DCTN5: variants seen among roughly 807,000 people sequenced by gnomAD.
DCTN5 encodes dynactin 4.
A neutral mutation model predicts 23.5 loss-of-function variants in DCTN5; 14 were observed. That is an observed-to-expected ratio of 0.60 (90% CI 0.39 to 0.93). The LOEUF (loss-of-function observed/expected upper bound fraction) is 0.93. Among genes scored for constraint, DCTN5 ranks in the 40% least tolerant of loss-of-function variants. DCTN5 has a pLI of 0.00. For missense variants in DCTN5, 156 were observed against 225.9 expected, an observed-to-expected ratio of 0.69 and a Z score of 1.98; for synonymous variants, 67 against 79.6, an observed-to-expected ratio of 0.84 and a Z score of 0.84.
rs375319296 is a variant in DCTN5, at chr16:23,665,716, T to G, written c.439T>G (p.Ser147Ala). ...ETVVPPFTVF[S>A]GCPGLFSGEL... ...TGTGGTTCCACCATTCACTGTCTTC[T>G]CAGGCTGCCCAGGTAACCTTGGCTG... The change falls in exon 5 of 6, where the codon TCA becomes GCA. Residue 147 changes from serine to alanine, a missense_variant. By Grantham distance (99) the Ser-to-Ala change is moderately conservative. Transcript: ENST00000300087. 3 of 1,613,794 alleles carry G rather than the reference T, an allele frequency of 1.9e-6. No homozygotes were observed. Among genetic ancestry groups the G allele is most frequent in the South Asian group, 1.1e-5 (1 of 90,954 alleles).
At chr16:23,666,735 T>C in intron 5 of DCTN5, 1 of 472,016 alleles carries the variant, frequency 2.1e-6, no homozygotes, top group East Asian at 3.3e-5. Context: ...TCATTGAATC[T>C]GAGTTTCTAA....
chr16:23,657,275 G>A (rs1417968124), intron 2 of DCTN5, among the ~76,000 whole-genome samples: 1 of 152,186 alleles, frequency 6.6e-6, no homozygotes, highest in Non-Finnish European at 1.5e-5. Context: ...GGGCAACATA[G>A]TGAGACTCCA....
In DCTN5 at chr16:23,661,196, G is replaced by T; in HGVS notation, c.263G>T (p.Gly88Val). ...KGVAFFPLHI[G>V]DHVFIEEDCV... ...GTTGCATTCTTTCCTTTACATATTG[G>T]AGACCATGTCTTTATTGAGGAAGAT... The change falls in exon 4 of 6, where the codon GGA (glycine) becomes GTA (valine). Residue 88 changes from glycine (G) to valine (V), a missense_variant. Physicochemically the swap from Gly to Val is moderately radical, Grantham distance 109 (BLOSUM62 -3). Transcript: ENST00000300087. The T allele has an allele frequency of 6.2e-7, 1 of 1,612,206 alleles. No homozygotes were observed. The highest frequency in any genetic ancestry group is 1.3e-5 in the African/African-American group (1 of 74,916).
chr16:23,663,059 A>T (rs1364323570), intron 4 of DCTN5, among the ~76,000 whole-genome samples: 1 of 152,236 alleles, frequency 6.6e-6, no homozygotes, highest in Admixed American at 6.5e-5. Context: ...CACTGGAAGT[A>T]ACTCTTTTAG....
At chr16:23,643,405 C>G (rs951608980) in intron 2 of DCTN5, among the ~76,000 whole-genome samples, 42 of 151,934 alleles carry the variant, frequency 2.8e-4, no homozygotes, top group Admixed American at 2.5e-3. Flanking sequence ...GTTGGCCAGG[C>G]TGGTCTTGAA....
intron 2 of DCTN5, 129 bp from the exon 3 acceptor site, chr16:23,658,378 C>CGGAACATTT (rs1437055201): frequency 4.5e-5 from 31 of 690,886 alleles, no homozygotes; most frequent in Non-Finnish European, 7.9e-5. Flanking sequence ...TTCCTTTTGG[C>CGGAACATTT]GGAACATTTG....
At position 23,677,035 on chromosome 16, in the gene DCTN5, CAA is replaced by C. The variant is rs1176389509; in HGVS notation, c.*9892_*9893del. 2 of 152,258 alleles carry C rather than the reference CAA, an allele frequency of 1.3e-5. No individual in the cohort carries two copies. Among genetic ancestry groups the C allele is most frequent in the Non-Finnish European group, 2.9e-5 (2 of 68,074 alleles). 9.4% of individuals were successfully genotyped at this position (152,258 alleles called of 1,614,324 possible). A position where few individuals can be genotyped will look rare whatever the true frequency, so the allele number is the denominator to read the frequency against. ...GTCTGTAATGAGCTTCCCTTGTATACAACATTGCACATGGGTTGTCACAACTG... is the reference window on the plus strand; with the variant it reads ...GTCTGTAATGAGCTTCCCTTGTATACCATTGCACATGGGTTGTCACAACTG... On this transcript the variant is annotated 3_prime_UTR_variant, in exon 6 of 6. Transcript: ENST00000300087.
At chr16:23,661,419 C>T in intron 4 of DCTN5, 138 bp downstream of exon 4, 1 of 603,912 alleles carries the variant, frequency 1.7e-6, no homozygotes, top group Non-Finnish European at 2.8e-6. Flanking sequence ...TTTTTCTTGA[C>T]AGATATGGAA....
rs923224314 is a variant in DCTN5 at position 23,673,211 on chromosome 16, T to G, written c.*6067T>G. On this transcript the variant is annotated 3_prime_UTR_variant, in exon 6 of 6. Transcript: ENST00000300087. ...GAATATGAGAACATGGAAACAGCTA[T>G]GAAAAGACATAAGAGAATTAGGAGG... The G allele has an allele frequency of 1.3e-5, 2 of 151,986 alleles. No individual in the cohort carries two copies. Among genetic ancestry groups the G allele is most frequent in the Non-Finnish European group, 2.9e-5 (2 of 68,018 alleles). 9.4% of individuals were successfully genotyped at this position (151,986 alleles called of 1,614,324 possible). A position where few individuals can be genotyped will look rare whatever the true frequency, so the allele number is the denominator to read the frequency against.
chr16:23,658,748 C>T (rs1433025632), intron 3 of DCTN5, 123 bp downstream of exon 3: 10 of 744,404 alleles, frequency 1.3e-5, no homozygotes, highest in Non-Finnish European at 2.4e-5. Context: ...AGTAAGAGTT[C>T]ACCATAATGA....
chr16:23,641,515 C>A lies in DCTN5; in HGVS notation c.-28C>A, dbSNP rs748881538. On this transcript the variant is annotated 5_prime_UTR_variant, in exon 1 of 6. Coordinates refer to ENST00000300087, the MANE Select transcript of DCTN5 (RefSeq NM_032486.4). The stretch of plus-strand genomic sequence containing the variant: ...ACTGACCGACTGACTCTGACAGGAT[C>A]CGGGGCTGAGGGAAGGAGGCGGCGG... The A allele has an allele frequency of 6.2e-7, 1 of 1,613,986 alleles. No homozygotes were observed. The highest frequency in any genetic ancestry group is 1.1e-5 in the South Asian group (1 of 91,062).
In DCTN5 at chr16:23,672,412, T is replaced by C. The variant is rs78342596; in HGVS notation, c.*5268T>C. ...TTGAGGCACAGAGAGATTAAGTACT[T>C]TCCCAAGGTCATACAGCTAGTGATG... On this transcript the variant is annotated 3_prime_UTR_variant, in exon 6 of 6. Coordinates refer to ENST00000300087, the MANE Select transcript of DCTN5 (RefSeq NM_032486.4). 1 of 152,206 alleles carries C rather than the reference T, an allele frequency of 6.6e-6. No individual in the cohort carries two copies. The highest frequency in any genetic ancestry group is 1.9e-4 in the East Asian group (1 of 5,204). The allele number at this position is 152,206 out of a possible 1,614,324, so 9.4% of individuals were successfully genotyped here.
At chr16:23,662,927 T>G (rs1476877460) in intron 4 of DCTN5, among the ~76,000 whole-genome samples, 1 of 152,250 alleles carries the variant, frequency 6.6e-6, no homozygotes. Flanking sequence ...TGCTCTTGTT[T>G]TTATGCCACT....
chr16:23,665,497 CAG>C, intron 4 of DCTN5, 127 bp from the exon 5 acceptor site: 2 of 766,834 alleles, frequency 2.6e-6, no homozygotes, highest in Non-Finnish European at 4.2e-6. Flanking sequence ...CCACCTGAAG[CAG>C]GAAGTTGCAA....
chr16:23,655,799 C>T (rs753631691), intron 2 of DCTN5, among the ~76,000 whole-genome samples: 25 of 152,194 alleles, frequency 1.6e-4, no homozygotes, highest in Non-Finnish European at 3.1e-4. Flanking sequence ...CCTGCATCAG[C>T]CTCCCAAAGT....
chr16:23,644,401 C>T (rs564437980), intron 2 of DCTN5, among the ~76,000 whole-genome samples: 5 of 150,774 alleles, frequency 3.3e-5, no homozygotes, highest in African/African-American at 1.2e-4. Flanking sequence ...CCCAGGCTCA[C>T]GCCATTCTCC....
intron 3 of DCTN5, among the ~76,000 whole-genome samples, chr16:23,660,666 G>A (rs1487442045): frequency 1.3e-5 from 2 of 152,160 alleles, no homozygotes; most frequent in Non-Finnish European, 2.9e-5. Context: ...CGTGGACAGT[G>A]TTCTCTCTCT....
intron 2 of DCTN5, 116 bp downstream of exon 2, chr16:23,643,139 T>A: frequency 1.2e-6 from 1 of 823,294 alleles, no homozygotes; most frequent in Non-Finnish European, 1.9e-6. Flanking sequence ...ACATTTTTAA[T>A]TCTCTTGTTT....
intron 1 of DCTN5, 90 bp from the exon 2 acceptor site, chr16:23,642,865 T>C: frequency 1.7e-6 from 2 of 1,171,032 alleles, no homozygotes; most frequent in Non-Finnish European, 2.6e-6. Flanking sequence ...TTATGTTTTT[T>C]TCTCTCAAAT....
Sources: gnomAD v4.1 joint callset for allele counts (sites outside exome capture counted in the v4.1 genomes callset) on GRCh38, gnomAD v4.1.1 for gene constraint, MANE v1.5 for transcripts, NCBI Gene and HGNC (gene_info 2026-07-23, HGNC 2026-07-21) for gene names.